The following SEMA3A variants were observed in gnomAD, a reference collection of about 807,000 sequenced individuals.
The protein encoded by SEMA3A is semaphorin 3A.
A neutral mutation model predicts 97.9 loss-of-function variants in SEMA3A; 29 were observed. The observed-to-expected ratio is 0.30, with a 90% confidence interval of 0.22 to 0.40. The LOEUF is 0.40. Ranked by LOEUF, SEMA3A falls within the 10% of genes least tolerant of loss-of-function variation. The pLI, the probability that SEMA3A is intolerant of heterozygous loss-of-function variation, is 1.00. For missense variants in SEMA3A, 763 were observed against 951.3 expected, an observed-to-expected ratio of 0.80 and a Z score of 2.60; for synonymous variants, 321 against 323.7, an observed-to-expected ratio of 0.99 and a Z score of 0.09.
chr7:84,291,415 G>C (rs1490782526), intron 3 of SEMA3A, among the ~76,000 whole-genome samples: 1 of 151,992 alleles, frequency 6.6e-6, no homozygotes, highest in East Asian at 1.9e-4. Flanking sequence ...AGGATTATCA[G>C]TGGTGTATCT....
intron 1 of SEMA3A, among the ~76,000 whole-genome samples, chr7:84,380,793 C>A (rs1207266879): frequency 6.6e-6 from 1 of 152,194 alleles, no homozygotes; most frequent in Non-Finnish European, 1.5e-5. Flanking sequence ...AGGCCTCTCT[C>A]TGGTCCATGC....
At chr7:84,282,155 A>G (rs1440154324) in intron 3 of SEMA3A, among the ~76,000 whole-genome samples, 1 of 152,080 alleles carries the variant, frequency 6.6e-6, no homozygotes, top group African/African-American at 2.4e-5. Context: ...CCTTTTTGGA[A>G]CCAATCCGCC....
At chr7:84,093,643 G>T (rs1794660596) in intron 4 of SEMA3A, among the ~76,000 whole-genome samples, 1 of 152,070 alleles carries the variant, frequency 6.6e-6, no homozygotes, top group Non-Finnish European at 1.5e-5. Context: ...CATGTTCTTT[G>T]CAGGGACATG....
chr7:84,450,171 G>T (rs546696807), intron 1 of SEMA3A, among the ~76,000 whole-genome samples: 28 of 152,160 alleles, frequency 1.8e-4, no homozygotes, highest in African/African-American at 6.3e-4. Flanking sequence ...TTCCATAGCA[G>T]CACCTTTCAC....
At chr7:84,408,270 C>G (rs1308411248) in intron 1 of SEMA3A, among the ~76,000 whole-genome samples, 1 of 152,164 alleles carries the variant, frequency 6.6e-6, no homozygotes, top group Admixed American at 6.6e-5. Flanking sequence ...GACATTTATG[C>G]AGCCAAAAAC....
intron 4 of SEMA3A, among the ~76,000 whole-genome samples, chr7:84,094,518 T>C (rs1257055490): frequency 1.3e-5 from 2 of 152,136 alleles, no homozygotes; most frequent in African/African-American, 4.8e-5. Flanking sequence ...CATATGCATA[T>C]AACGATGGGT....
chr7:83,991,691 G>A (rs1789946746), intron 12 of SEMA3A, among the ~76,000 whole-genome samples: 2 of 151,564 alleles, frequency 1.3e-5, no homozygotes, highest in Non-Finnish European at 2.9e-5. Context: ...TGGTGGATAA[G>A]CTTTTTGATG....
intron 15 of SEMA3A, among the ~76,000 whole-genome samples, chr7:83,970,222 CAATT>C (rs1348289852): frequency 1.3e-5 from 2 of 152,172 alleles, no homozygotes; most frequent in Admixed American, 1.3e-4. Flanking sequence ...AAGCAATCTT[CAATT>C]AATCATTTCC....
At chr7:84,373,690 G>A (rs150693022) in intron 1 of SEMA3A, among the ~76,000 whole-genome samples, 84 of 152,260 alleles carry the variant, frequency 5.5e-4, no homozygotes, top group African/African-American at 1.9e-3. Context: ...AAGCCCAAAT[G>A]TGCTACATAT....
At chr7:83,985,130 A>G (rs1789573541) in intron 13 of SEMA3A, among the ~76,000 whole-genome samples, 1 of 152,136 alleles carries the variant, frequency 6.6e-6, no homozygotes, top group Admixed American at 6.6e-5. Flanking sequence ...GATGAAAATT[A>G]TTATTGAGTA....
At chr7:84,491,827 G>C (rs2116455075) in intron 1 of SEMA3A, among the ~76,000 whole-genome samples, 1 of 152,206 alleles carries the variant, frequency 6.6e-6, no homozygotes, top group East Asian at 1.9e-4. Flanking sequence ...TGTACATCTG[G>C]TTTTAATATA....
chr7:84,205,715 T>C (rs1798476387), intron 3 of SEMA3A, among the ~76,000 whole-genome samples: 1 of 152,202 alleles, frequency 6.6e-6, no homozygotes, highest in African/African-American at 2.4e-5. Context: ...ATAAGTAGTG[T>C]GATATATTCA....
intron 12 of SEMA3A, among the ~76,000 whole-genome samples, chr7:84,000,578 C>T (rs1459060335): frequency 1.3e-5 from 2 of 151,972 alleles, no homozygotes; most frequent in Non-Finnish European, 2.9e-5. Context: ...TTCCATTATC[C>T]TGGTGAAATA....
rs183099563 is a variant in SEMA3A, at chr7:84,322,863, G to C, written c.-168-15571C>G. Among the ~76,000 whole-genome samples the C allele has an allele frequency of 6.6e-5, 10 of 152,290 alleles. 1 individual carries two copies. Among genetic ancestry groups the C allele is most frequent in the Admixed American group, 2.6e-4 (4 of 15,292 alleles). On this transcript the variant is annotated intron_variant, in intron 2 of 3. Coordinates refer to the SEMA3A transcript ENST00000424555. ...CCATACAGGCTTCCTGAAGGACTTTGCATTTGAGAAGAGGGGCTTCCATTT... is the reference window on the plus strand; with the variant it reads ...CCATACAGGCTTCCTGAAGGACTTTCCATTTGAGAAGAGGGGCTTCCATTT...
chr7:84,163,298 T>C (rs1797099724), intron 1 of SEMA3A, among the ~76,000 whole-genome samples: 1 of 152,154 alleles, frequency 6.6e-6, no homozygotes. Flanking sequence ...TGTGTGTGAA[T>C]GGGTGTACAC....
chr7:84,200,800 T>TTCC (rs1798336435), intron 3 of SEMA3A, among the ~76,000 whole-genome samples: 5 of 20,920 alleles, frequency 2.4e-4, no homozygotes, highest in Non-Finnish European at 5.6e-4. Context: ...TTTTTTTCCT[T>TTCC]TTTTTTTTTT....
chr7:84,186,006 T>C (rs1797872338), intron 1 of SEMA3A, among the ~76,000 whole-genome samples: 1 of 152,186 alleles, frequency 6.6e-6, no homozygotes, highest in Admixed American at 6.5e-5. Flanking sequence ...CAACCACGTA[T>C]CAACTCTACT....
intron 1 of SEMA3A, among the ~76,000 whole-genome samples, chr7:84,170,500 TA>T (rs1463546829): frequency 1.1e-4 from 16 of 151,998 alleles, no homozygotes; most frequent in African/African-American, 3.9e-4. Flanking sequence ...ATCTGTTATT[TA>T]CTATATTTAC....
chr7:84,346,984 T>G (rs753312701), intron 2 of SEMA3A, among the ~76,000 whole-genome samples: 1 of 152,008 alleles, frequency 6.6e-6, no homozygotes, highest in African/African-American at 2.4e-5. Flanking sequence ...ATGAGAGAAA[T>G]AAAAATGAAA....
Sources: gnomAD v4.1 joint callset for allele counts (sites outside exome capture counted in the v4.1 genomes callset) on GRCh38, gnomAD v4.1.1 for gene constraint, MANE v1.5 for transcripts, NCBI Gene and HGNC (gene_info 2026-07-23, HGNC 2026-07-21) for gene names.